PTPRD: variants seen among roughly 807,000 people sequenced by gnomAD.
PTPRD encodes the protein receptor-type tyrosine-protein phosphatase delta.
A neutral mutation model predicts 214.5 loss-of-function variants in PTPRD; 34 were observed. The ratio of observed to expected loss-of-function variants is 0.16; its 90% CI spans 0.12 to 0.21. PTPRD has a LOEUF of 0.21. PTPRD is among the 10% of genes least tolerant of loss of function. PTPRD has a pLI of 1.00. For missense variants in PTPRD, 2,545 were observed against 2,398.7 expected, an observed-to-expected ratio of 1.06 and a Z score of -1.27; for synonymous variants, 1,128 against 845.7, an observed-to-expected ratio of 1.33 and a Z score of -5.79.
rs149256051 is a variant in PTPRD at position 8,665,925 on chromosome 9, T to G, written c.65-29081A>C. 6.6e-5 allele frequency among the ~76,000 whole-genome samples: 10 copies of G among 152,320 alleles called. No individual in the cohort carries two copies. The East Asian group carries it at 1.9e-3, about 29-fold the overall frequency. ...TGTGGTTACTACTGTCACAAAAAAA[T>G]GCATGGGTATGTTTATTAATTCAAA... On this transcript the variant is annotated intron_variant, in intron 12 of 45. Transcript: ENST00000381196.
intron 5 of PTPRD, among the ~76,000 whole-genome samples, chr9:9,859,565 C>T (rs574647725): frequency 4.5e-4 from 69 of 152,316 alleles, no homozygotes; most frequent in African/African-American, 1.6e-3. Flanking sequence ...ACTCCCCCCA[C>T]CTTCAAGGAG....
intron 10 of PTPRD, among the ~76,000 whole-genome samples, chr9:9,043,080 C>T (rs997223978): frequency 6.6e-6 from 1 of 152,152 alleles, no homozygotes; most frequent in Non-Finnish European, 1.5e-5. Flanking sequence ...ACCATGAACT[C>T]CCAATAAATT....
intron 39 of PTPRD, among the ~76,000 whole-genome samples, chr9:8,372,010 A>C (rs1207445609): frequency 6.6e-6 from 1 of 152,074 alleles, no homozygotes; most frequent in East Asian, 1.9e-4. Context: ...AATGGCATTA[A>C]GTTCCTTTAA....
chr9:10,604,458 TA>T (rs948796271), intron 2 of PTPRD, among the ~76,000 whole-genome samples: 17 of 151,212 alleles, frequency 1.1e-4, no homozygotes, highest in Non-Finnish European at 1.9e-4. Flanking sequence ...TTCAAGCCCC[TA>T]AAAAAAATAA....
chr9:10,495,200 A>G (rs1372011420), intron 2 of PTPRD, among the ~76,000 whole-genome samples: 1 of 151,860 alleles, frequency 6.6e-6, no homozygotes, highest in Non-Finnish European at 1.5e-5. Context: ...GAAATGGAGT[A>G]GAGTTATCAG....
intron 2 of PTPRD, among the ~76,000 whole-genome samples, chr9:10,540,724 T>C (rs1270522650): frequency 6.6e-6 from 1 of 152,218 alleles, no homozygotes; most frequent in East Asian, 1.9e-4. Flanking sequence ...TGTTTCTTTA[T>C]TTGTTTAAGT....
chr9:10,425,932 G>A (rs879783013), intron 2 of PTPRD, among the ~76,000 whole-genome samples: 6 of 151,652 alleles, frequency 4.0e-5, no homozygotes, highest in South Asian at 2.1e-4. Flanking sequence ...TTTGTAGATC[G>A]TATATAGACA....
chr9:9,127,553 G>A (rs1353636826), intron 10 of PTPRD, among the ~76,000 whole-genome samples: 1 of 152,160 alleles, frequency 6.6e-6, no homozygotes, highest in Non-Finnish European at 1.5e-5. Flanking sequence ...AGCAATCAAT[G>A]ATAATGGATG....
At chr9:8,321,423 A>T (rs1827358617) in intron 44 of PTPRD, among the ~76,000 whole-genome samples, 2 of 146,618 alleles carry the variant, frequency 1.4e-5, no homozygotes, top group African/African-American at 5.0e-5. Context: ...GTATTTTCAG[A>T]ACATTCCTAA....
intron 3 of PTPRD, among the ~76,000 whole-genome samples, chr9:10,232,307 G>T (rs550158955): frequency 6.6e-6 from 1 of 151,972 alleles, no homozygotes; most frequent in African/African-American, 2.4e-5. Flanking sequence ...TAACTGAAAT[G>T]ATCCACTAAT....
intron 13 of PTPRD, among the ~76,000 whole-genome samples, chr9:8,635,294 T>C (rs2096395227): frequency 6.6e-6 from 1 of 151,588 alleles, no homozygotes; most frequent in African/African-American, 2.4e-5. Context: ...GCCATTGTCA[T>C]TAGAAAGCGT....
chr9:8,446,810 T>C (rs1427814810), intron 34 of PTPRD, among the ~76,000 whole-genome samples: 2 of 152,198 alleles, frequency 1.3e-5, no homozygotes, highest in Non-Finnish European at 2.9e-5. Context: ...TTTATTTCAT[T>C]ATCCAAGAAA....
chr9:8,362,804 G>A (rs1034992018), intron 39 of PTPRD, among the ~76,000 whole-genome samples: 2 of 152,168 alleles, frequency 1.3e-5, no homozygotes, highest in African/African-American at 4.8e-5. Context: ...CTTCAGTCAA[G>A]TGAGTGACTT....
At chr9:8,895,339 C>T (rs939866281) in intron 11 of PTPRD, among the ~76,000 whole-genome samples, 13 of 152,224 alleles carry the variant, frequency 8.5e-5, no homozygotes, top group African/African-American at 2.9e-4. Flanking sequence ...AAAATAAAAA[C>T]ATAAGTCAAA....
intron 11 of PTPRD, among the ~76,000 whole-genome samples, chr9:8,767,167 G>C (rs192095065): frequency 1.0e-3 from 155 of 152,076 alleles, no homozygotes; most frequent in Middle Eastern, 6.8e-3. Context: ...GCCCAGGCTG[G>C]AATGCAATGG....
chr9:9,916,014 C>T (rs2080666911), intron 5 of PTPRD, among the ~76,000 whole-genome samples: 1 of 150,696 alleles, frequency 6.6e-6, no homozygotes, highest in Admixed American at 6.6e-5. Context: ...AGATTAACAG[C>T]ATAGTTTTCA....
chr9:10,377,481 C>T (rs969473780), intron 2 of PTPRD, among the ~76,000 whole-genome samples: 3 of 151,838 alleles, frequency 2.0e-5, no homozygotes, highest in African/African-American at 7.3e-5. Context: ...TGATGTTCCC[C>T]TTCCTGTGTC....
chr9:9,574,406 A>C (rs2087665005), intron 8 of PTPRD, among the ~76,000 whole-genome samples: 1 of 152,010 alleles, frequency 6.6e-6, no homozygotes, highest in Non-Finnish European at 1.5e-5. Context: ...ATTGCCATCA[A>C]ATAGACTTCA....
At chr9:8,688,578 A>AC (rs906247536) in intron 12 of PTPRD, among the ~76,000 whole-genome samples, 2 of 151,244 alleles carry the variant, frequency 1.3e-5, no homozygotes, top group African/African-American at 4.9e-5. Context: ...AAAAAAAAAA[A>AC]AGAAAAAAAT....
Sources: gnomAD v4.1 joint callset for allele counts (sites outside exome capture counted in the v4.1 genomes callset) on GRCh38, gnomAD v4.1.1 for gene constraint, MANE v1.5 for transcripts, NCBI Gene and HGNC (gene_info 2026-07-23, HGNC 2026-07-21) for gene names.